Variants in NCOA2 observed in about 807,000 individuals in gnomAD.
The protein encoded by NCOA2 is nuclear receptor coactivator 2.
A neutral mutation model predicts 145.1 loss-of-function variants in NCOA2; 21 were observed. The observed-to-expected ratio is 0.14, with a 90% CI of 0.10 to 0.21. The LOEUF is 0.21. Ranked by LOEUF, NCOA2 falls within the 10% of genes least tolerant of loss-of-function variation. The pLI, the probability that NCOA2 is intolerant of heterozygous loss-of-function variation, is 1.00. For synonymous variants in NCOA2, 619 were observed against 637.5 expected (o/e 0.97, Z 0.44); for missense variants, 1,472 against 1,837.6 (o/e 0.80, Z 3.64).
intron 11 of NCOA2, among the ~76,000 whole-genome samples, 156 bp downstream of exon 11, chr8:70,155,815 T>C (rs1470715260): frequency 6.6e-6 from 1 of 152,206 alleles, no homozygotes; most frequent in East Asian, 1.9e-4. Context: ...AGGAGAGTAT[T>C]TGAAACACAC....
chr8:70,147,302 C>T (rs1811211988), intron 12 of NCOA2, among the ~76,000 whole-genome samples: 1 of 152,148 alleles, frequency 6.6e-6, no homozygotes, highest in African/African-American at 2.4e-5. Flanking sequence ...CCGGCCCAAA[C>T]TCATCTGTCT....
chr8:70,355,092 T>C (rs775650904), intron 1 of NCOA2, among the ~76,000 whole-genome samples: 2 of 152,254 alleles, frequency 1.3e-5, no homozygotes, highest in South Asian at 4.1e-4. Context: ...CAAGCTATTA[T>C]ATATGGCGAA....
chr8:70,146,962 A>AT (rs1811133086), intron 12 of NCOA2, among the ~76,000 whole-genome samples: 1 of 152,134 alleles, frequency 6.6e-6, no homozygotes, highest in Non-Finnish European at 1.5e-5. Flanking sequence ...AAGTGCTGGG[A>AT]TTACAGGCAC....
chr8:70,192,723 G>A (rs575775713), intron 4 of NCOA2, among the ~76,000 whole-genome samples: 82 of 152,186 alleles, frequency 5.4e-4, no homozygotes, highest in Admixed American at 9.8e-4. Context: ...ATAAACATTG[G>A]GTCAGTGGTT....
chr8:70,248,477 C>T, intron 2 of NCOA2, among the ~76,000 whole-genome samples: 1 of 152,144 alleles, frequency 6.6e-6, no homozygotes, highest in East Asian at 1.9e-4. Context: ...TGAAATCATA[C>T]AGTAAGTACT....
At chr8:70,315,035 C>T (rs1805481248) in intron 1 of NCOA2, among the ~76,000 whole-genome samples, 1 of 152,128 alleles carries the variant, frequency 6.6e-6, no homozygotes, top group African/African-American at 2.4e-5. Context: ...GAAGTTTTGA[C>T]GAGCTAAGGA....
chr8:70,368,240 A>G (rs1018690533), intron 1 of NCOA2, among the ~76,000 whole-genome samples: 3 of 152,234 alleles, frequency 2.0e-5, no homozygotes, highest in African/African-American at 4.8e-5. Flanking sequence ...AAGAAAGACA[A>G]AGAGAGTGTC....
At chr8:70,200,918 T>C (rs1372104084) in intron 4 of NCOA2, among the ~76,000 whole-genome samples, 1 of 151,716 alleles carries the variant, frequency 6.6e-6, no homozygotes. Context: ...TGTGGTGTTG[T>C]ACACCTGTGG....
intron 2 of NCOA2, among the ~76,000 whole-genome samples, chr8:70,223,040 C>T (rs536490602): frequency 7.0e-4 from 106 of 152,276 alleles, no homozygotes; most frequent in Non-Finnish European, 1.3e-3. Context: ...TTAATGAGGC[C>T]TCAGATGAGA....
chr8:70,347,362 A>G (rs1466816275), intron 1 of NCOA2, among the ~76,000 whole-genome samples: 10 of 151,932 alleles, frequency 6.6e-5, no homozygotes, highest in African/African-American at 2.2e-4. Context: ...GCGGGTGCCT[A>G]TAATTCCAGC....
chr8:70,156,886 G>A lies in NCOA2; in HGVS notation c.1479C>T (p.Ser493=). ...TTCGAGGGCTGCCAGCCACTCCAGG[G>A]CTCATGCGATGCCTTGGTGAAAGCA... ...TSMLSPRHRM[S]PGVAGSPRIP... is the part of the protein sequence containing the mutation. Residue 493 remains serine (S), a synonymous_variant, in exon 11 of 23, where the codon AGC becomes AGT. Transcript: ENST00000452400. 6.2e-7 allele frequency: 1 copy of A among 1,614,016 alleles called. No individual in the cohort carries two copies. Among genetic ancestry groups the A allele is most frequent in the African/African-American group, 1.3e-5 (1 of 75,054 alleles).
At position 70,110,568 on chromosome 8, in the gene NCOA2, CT is replaced by C. The variant is rs1733616816; in HGVS notation, c.*3063del. The C allele has an allele frequency of 4.8e-6, 1 of 206,876 alleles. No individual in the cohort carries two copies. The highest frequency in any genetic ancestry group is 5.9e-5 in the Admixed American group (1 of 16,854). 12.8% of individuals were successfully genotyped at this position (206,876 alleles called of 1,614,324 possible). Reference sequence around the variant, plus strand: ...TTAAATTCACACCAACAATTAATGGCTTAAGTTGCATTTCAAAACTGATTGT... The same window carrying C: ...TTAAATTCACACCAACAATTAATGGCTAAGTTGCATTTCAAAACTGATTGT... On this transcript the variant is annotated 3_prime_UTR_variant, in exon 23 of 23. Coordinates refer to ENST00000452400, the MANE Select transcript of NCOA2 (RefSeq NM_006540.4).
intron 1 of NCOA2, among the ~76,000 whole-genome samples, chr8:70,381,940 T>C (rs1342916138): frequency 5.3e-5 from 8 of 152,200 alleles, no homozygotes; most frequent in Admixed American, 5.2e-4. Flanking sequence ...TACATGAGAC[T>C]ACTTTTAAAG....
At position 70,374,884 on chromosome 8, in the gene NCOA2, TAA is replaced by T. The variant is rs367894019; in HGVS notation, c.-77+28814_-77+28815del. Reference sequence around the variant, plus strand: ...TCTAAAAGATGAGATTACAGAAAATTAAGTTTTCCTTTTTACTTATCTATATT... The same window carrying T: ...TCTAAAAGATGAGATTACAGAAAATTGTTTTCCTTTTTACTTATCTATATT... On this transcript the variant is annotated intron_variant, in intron 1 of 22. Transcript: ENST00000452400. 1.5e-3 allele frequency among the ~76,000 whole-genome samples: 222 copies of T among 152,064 alleles called. 6 individuals are homozygous for T. The East Asian group carries it at 0.032, about 22-fold the overall frequency.
At chr8:70,403,999 C>T (rs946486543), upstream of NCOA2, among the ~76,000 whole-genome samples, 34 of 152,128 alleles carry the variant, frequency 2.2e-4, no homozygotes, top group African/African-American at 8.0e-4. Context: ...GTCCTGTCAC[C>T]GGGAAAAGGA....
At chr8:70,344,846 A>G (rs1808474376) in intron 1 of NCOA2, among the ~76,000 whole-genome samples, 2 of 152,222 alleles carry the variant, frequency 1.3e-5, no homozygotes. Context: ...TTAAAAAATA[A>G]TAAACACTTA....
At chr8:70,147,147 TTC>T (rs1811185633) in intron 12 of NCOA2, among the ~76,000 whole-genome samples, 1 of 151,072 alleles carries the variant, frequency 6.6e-6, no homozygotes, top group Admixed American at 6.6e-5. Context: ...TGTGTGTGTG[TTC>T]TGAGATGGAG....
rs115261801 is a variant in NCOA2, at chr8:70,129,063, T to A, written c.3325-83A>T. On this transcript the variant is annotated intron_variant, in intron 16 of 22. Transcript: ENST00000452400. ...AATATAAGGCTGTTTTCTCTCACTA[T>A]CATATATTTGAAGCTTTTTATACTT... 3,024 of 1,317,578 alleles carry A rather than the reference T, an allele frequency of 2.3e-3. 50 individuals are homozygous for A. In the African/African-American group the frequency reaches 0.038, roughly 17 times the overall value. The allele number at this position is 1,317,578 out of a possible 1,614,324, so 81.6% of individuals were successfully genotyped here.
the NCOA2 span, among the ~76,000 whole-genome samples, chr8:70,452,893 G>A: frequency 6.6e-6 from 1 of 152,158 alleles, no homozygotes; most frequent in East Asian, 1.9e-4. Context: ...GCAAGGAACT[G>A]GGAGTTGAAG....
Sources: gnomAD v4.1 joint callset for allele counts (sites outside exome capture counted in the v4.1 genomes callset) on GRCh38, gnomAD v4.1.1 for gene constraint, MANE v1.5 for transcripts, NCBI Gene and HGNC (gene_info 2026-07-23, HGNC 2026-07-21) for gene names.